CENATAC: variants seen among roughly 807,000 people sequenced by gnomAD.
CENATAC encodes the protein coiled-coil domain containing 84.
CENATAC carries 53 observed loss-of-function variants against 53.7 expected under a neutral mutation model. That is an observed-to-expected ratio of 0.99 (90% CI 0.79 to 1.24). The LOEUF (loss-of-function observed/expected upper bound fraction) is 1.24, where lower values mean the gene tolerates loss of function less well. Ranked by LOEUF, CENATAC falls within the 50% of genes most tolerant of loss-of-function variation. The pLI, the probability that CENATAC is intolerant of heterozygous loss-of-function variation, is 0.00. For missense variants in CENATAC, 474 were observed against 417.8 expected (o/e 1.13, Z -1.17); for synonymous variants, 156 against 144.6 (o/e 1.08, Z -0.57).
At chr11:119,007,686 T>G (rs1942671332) in intron 3 of CENATAC, among the ~76,000 whole-genome samples, 1 of 152,044 alleles carries the variant, frequency 6.6e-6, no homozygotes, top group Admixed American at 6.6e-5. Context: ...ACAGGGTCAC[T>G]ATGTTGCCTG....
chr11:119,007,803 AC>A (rs1242379905), intron 3 of CENATAC, among the ~76,000 whole-genome samples: 4 of 152,184 alleles, frequency 2.6e-5, no homozygotes. Context: ...TTACTTTTGA[AC>A]CTTGTAAATT....
intron 3 of CENATAC, among the ~76,000 whole-genome samples, chr11:119,005,433 T>A (rs1384690902): frequency 1.3e-5 from 2 of 151,110 alleles, no homozygotes; most frequent in Non-Finnish European, 2.9e-5. Context: ...GCCACTGCAC[T>A]CCAGCCTGGC....
intron 8 of CENATAC, among the ~76,000 whole-genome samples, chr11:119,013,748 C>T (rs1174043963): frequency 3.3e-5 from 5 of 151,910 alleles, no homozygotes; most frequent in Admixed American, 1.3e-4. Flanking sequence ...CAGGCATGAG[C>T]CACCGTGCCC....
At chr11:119,011,459 C>T (rs1186678142) in intron 5 of CENATAC, 176 bp downstream of exon 5, 1 of 550,580 alleles carries the variant, frequency 1.8e-6, no homozygotes, top group Non-Finnish European at 3.2e-6. Flanking sequence ...CTGCAACCTC[C>T]ACCTCCCAGG....
At chr11:119,002,728 A>G (rs912870147) in intron 3 of CENATAC, among the ~76,000 whole-genome samples, 1 of 150,780 alleles carries the variant, frequency 6.6e-6, no homozygotes, top group Non-Finnish European at 1.5e-5. Context: ...ATACTGTAAC[A>G]GGCATAAGAA....
At chr11:119,006,849 G>A (rs1443140250) in intron 3 of CENATAC, among the ~76,000 whole-genome samples, 1 of 152,222 alleles carries the variant, frequency 6.6e-6, no homozygotes, top group Non-Finnish European at 1.5e-5. Flanking sequence ...ATGGTAATAA[G>A]TCTCACATGA....
intron 7 of CENATAC, 121 bp from the exon 8 acceptor site, chr11:119,013,111 C>T: frequency 1.4e-6 from 1 of 694,262 alleles, no homozygotes; most frequent in Non-Finnish European, 2.5e-6. Flanking sequence ...GCAGAATTAG[C>T]ATTGTGGCAG....
intron 3 of CENATAC, chr11:119,003,954 G>C (rs782157723): frequency 6.6e-6 from 1 of 152,188 alleles, no homozygotes; most frequent in African/African-American, 2.4e-5. Flanking sequence ...TATTTCCATG[G>C]TTATAGATAT....
chr11:119,006,745 T>C (rs1465673064), intron 3 of CENATAC, among the ~76,000 whole-genome samples: 3 of 152,216 alleles, frequency 2.0e-5, no homozygotes, highest in Non-Finnish European at 4.4e-5. Context: ...CCACCCAAAT[T>C]TTTTTGACTG....
chr11:119,012,565 A>G (rs1046311108), intron 7 of CENATAC: 4 of 255,808 alleles, frequency 1.6e-5, no homozygotes, highest in South Asian at 6.2e-5. Flanking sequence ...TATATTTCCA[A>G]TCACTAGATG....
At chr11:119,012,084 GATCTA>G in intron 6 of CENATAC, 60 bp from the exon 7 acceptor site, 1 of 1,613,918 alleles carries the variant, frequency 6.2e-7, no homozygotes, top group African/African-American at 1.3e-5. Context: ...AATGGAAACA[GATCTA>G]ATCTTTACCA....
chr11:119,011,255 G>C lies in CENATAC; in HGVS notation c.485G>C (p.Arg162Pro), dbSNP rs369310743. ...CAGATCCGTGAGGTGGAGCAGAGCC[G>C]ACAGGAGGTGGTTCGGTCTGTCTTA... Reference protein sequence around the residue: ...AAQIREVEQSRQEVVRSVLEP... With the variant: ...AAQIREVEQSPQEVVRSVLEP... The change falls in exon 5 of 11, where the codon CGA becomes CCA. Residue 162 changes from arginine to proline, a missense_variant. Physicochemically the swap from Arg to Pro is moderately radical, Grantham distance 103. Transcript: ENST00000334418. 1 of 1,613,992 alleles carries C rather than the reference G, an allele frequency of 6.2e-7. No homozygotes were observed. The highest frequency in any genetic ancestry group is 1.3e-5 in the African/African-American group (1 of 74,932).
intron 2 of CENATAC, 38 bp from the exon 3 acceptor site, chr11:118,998,973 A>C (rs1281850099): frequency 6.9e-7 from 1 of 1,452,082 alleles, no homozygotes; most frequent in Non-Finnish European, 9.7e-7. Flanking sequence ...AATATTTTAT[A>C]ATCTATAGCT....
chr11:118,999,802 C>T (rs1437531297), intron 3 of CENATAC, among the ~76,000 whole-genome samples: 1 of 152,202 alleles, frequency 6.6e-6, no homozygotes, highest in Non-Finnish European at 1.5e-5. Context: ...GCCACCACGC[C>T]CGGCTAATTT....
intron 3 of CENATAC, among the ~76,000 whole-genome samples, chr11:119,006,460 T>C (rs1165711876): frequency 6.6e-6 from 1 of 152,120 alleles, no homozygotes; most frequent in Admixed American, 6.6e-5. Context: ...ATGGTCTTGA[T>C]CTCCTGACCT....
intron 3 of CENATAC, chr11:119,004,762 TA>T (rs796412468): frequency 0.03 from 4,371 of 145,004 alleles, 201 homozygotes; most frequent in African/African-American, 0.1. Flanking sequence ...AATGTCTCTT[TA>T]AAAAAAAAAA....
chr11:118,999,937 C>T (rs61299472), intron 3 of CENATAC, among the ~76,000 whole-genome samples: 2 of 152,148 alleles, frequency 1.3e-5, no homozygotes, highest in African/African-American at 2.4e-5. Context: ...CCACCGCGCC[C>T]GGCCAATTTT....
rs1296704918 is a variant in CENATAC, at chr11:119,011,396, C to CA, written c.513+114dup. 8.1e-6 allele frequency: 8 copies of CA among 989,784 alleles called. No individual in the cohort carries two copies. In the African/African-American group the frequency reaches 1.3e-4, roughly 16 times the overall value. The allele number at this position is 989,784 out of a possible 1,614,324, so 61.3% of individuals were successfully genotyped here. A position where few individuals can be genotyped will look rare whatever the true frequency, so the allele number is the denominator to read the frequency against. Reference sequence around the variant, plus strand: ...CTTCTTCTTCTTTTTTTTTTGGAGACAGAGTTTCGCTGTGTCACCCAGGCT... The same window carrying CA: ...CTTCTTCTTCTTTTTTTTTTGGAGACAAGAGTTTCGCTGTGTCACCCAGGCT... On this transcript the variant is annotated intron_variant, in intron 5 of 10. Transcript: ENST00000334418.
chr11:118,999,884 C>T (rs538593195), intron 3 of CENATAC, among the ~76,000 whole-genome samples: 8 of 152,150 alleles, frequency 5.3e-5, no homozygotes, highest in South Asian at 2.1e-4. Context: ...CCTCCTGATC[C>T]GCCCACCTTG....
Sources: allele counts gnomAD v4.1 joint callset (sites outside exome capture counted in the v4.1 genomes callset), GRCh38; gene constraint gnomAD v4.1.1; transcripts MANE v1.5; gene names NCBI Gene and HGNC (gene_info 2026-07-23, HGNC 2026-07-21).